SFXN1: variants seen among roughly 807,000 people sequenced by gnomAD.
SFXN1 encodes sideroflexin-1.
SFXN1 carries 32 observed loss-of-function variants against 39.5 expected under a neutral mutation model. The ratio of observed to expected loss-of-function variants is 0.81; its 90% confidence interval spans 0.61 to 1.09. The LOEUF (loss-of-function observed/expected upper bound fraction) is 1.09, where lower values mean the gene tolerates loss of function less well. SFXN1 is among the 50% of genes least tolerant of loss of function. SFXN1 has a pLI of 0.00. For synonymous variants in SFXN1, 136 were observed against 146.5 expected (o/e 0.93, Z 0.52); for missense variants, 402 against 407.1 (o/e 0.99, Z 0.11).
At chr5:175,480,754 CAAA>C (rs1759215307) in intron 1 of SFXN1, among the ~76,000 whole-genome samples, 2 of 152,244 alleles carry the variant, frequency 1.3e-5, no homozygotes, top group Admixed American at 1.3e-4. Context: ...GACCCGTCAT[CAAA>C]CGTTGTTGTT....
In SFXN1 at chr5:175,509,217, T is replaced by C. The variant is rs1246448309; in HGVS notation, c.335+15T>C. On this transcript the variant is annotated intron_variant, in intron 3 of 10. Transcript: ENST00000321442. ...ACGTTTTACAGGTATGTTATGAATA[T>C]GTAGCAACAGTGTGTTTACCATTAC... The C allele has an allele frequency of 2.5e-6, 4 of 1,600,210 alleles. No individual in the cohort carries two copies. The highest frequency in any genetic ancestry group is 2.7e-5 in the African/African-American group (2 of 74,372).
chr5:175,524,162 ATATATAT>A (rs1760987817), intron 10 of SFXN1: 1 of 119,794 alleles, frequency 8.3e-6, no homozygotes. Context: ...ATATATATAT[ATATATAT>A]ATCTCCAATA....
chr5:175,524,115 AAAAAAAAAAAAT>A (rs1760965323), intron 10 of SFXN1: 1 of 63,622 alleles, frequency 1.6e-5, no homozygotes, highest in African/African-American at 7.1e-5. Context: ...AAAAAAAAAA[AAAAAAAAAAAAT>A]ATATATATAT....
At chr5:175,521,805 C>G in intron 8 of SFXN1, 114 bp from the exon 9 acceptor site, 2 of 815,952 alleles carry the variant, frequency 2.5e-6, no homozygotes, top group Non-Finnish European at 3.9e-6. Flanking sequence ...TTTCACTAAC[C>G]ATGTTCTATC....
chr5:175,517,943 G>C (rs983674171), intron 8 of SFXN1, among the ~76,000 whole-genome samples: 1 of 152,050 alleles, frequency 6.6e-6, no homozygotes, highest in African/African-American at 2.4e-5. Context: ...GAAATGACCA[G>C]ACTCCTCCGC....
intron 1 of SFXN1, among the ~76,000 whole-genome samples, chr5:175,483,128 T>C (rs1293432331): frequency 3.3e-5 from 5 of 152,260 alleles, no homozygotes; most frequent in Non-Finnish European, 7.3e-5. Context: ...AAACAGTTTT[T>C]AATTTCTCTA....
At chr5:175,524,118 AAAAAAAAATATATAT>A (rs1427899868) in intron 10 of SFXN1, 2 of 66,590 alleles carry the variant, frequency 3.0e-5, no homozygotes, top group East Asian at 3.5e-4. Flanking sequence ...AAAAAAAAAA[AAAAAAAAATATATAT>A]ATATATATAT....
intron 2 of SFXN1, among the ~76,000 whole-genome samples, chr5:175,499,904 C>T (rs1299675677): frequency 6.6e-6 from 1 of 152,122 alleles, no homozygotes; most frequent in East Asian, 1.9e-4. Context: ...AAAGAATTTA[C>T]CAGGCCAGGC....
rs762116641 is a variant in SFXN1, at chr5:175,522,404, C to T, written c.854C>T (p.Ala285Val). ...CLVFATPLCC[A>V]LFPQKSSMSV... ...GTGTTTGCTACACCCCTGTGTTGTG[C>T]CCTGTTTCCTCAGAAAAGGTATGTA... Residue 285 changes from alanine to valine, a missense_variant, in exon 10 of 11, where the codon GCC becomes GTC. Transcript: ENST00000321442. 1 of 1,611,390 alleles carries T rather than the reference C, an allele frequency of 6.2e-7. No homozygotes were observed. Among genetic ancestry groups the T allele is most frequent in the Non-Finnish European group, 8.5e-7 (1 of 1,179,468 alleles).
intron 2 of SFXN1, among the ~76,000 whole-genome samples, chr5:175,496,980 C>A (rs1212330485): frequency 6.6e-6 from 1 of 152,086 alleles, no homozygotes; most frequent in Non-Finnish European, 1.5e-5. Context: ...CCTCTGCCTC[C>A]CGGGTTCAAG....
intron 2 of SFXN1, among the ~76,000 whole-genome samples, chr5:175,507,550 A>T (rs1380749598): frequency 2.0e-5 from 3 of 152,248 alleles, no homozygotes; most frequent in Non-Finnish European, 2.9e-5. Context: ...GGAGATGAGT[A>T]GGTAAAGACT....
intron 8 of SFXN1, 59 bp from the exon 9 acceptor site, chr5:175,521,860 G>A (rs1760889082): frequency 3.0e-6 from 4 of 1,324,686 alleles, no homozygotes; most frequent in Non-Finnish European, 4.2e-6. Context: ...TTAATCAGAA[G>A]ATATTGCCTC....
intron 6 of SFXN1, 144 bp from the exon 7 acceptor site, chr5:175,513,319 A>AAAACAG (rs1760593304): frequency 1.3e-6 from 1 of 744,874 alleles, no homozygotes; most frequent in Non-Finnish European, 1.9e-6. Flanking sequence ...AAAAAAAAAA[A>AAAACAG]AAAAACAGAT....
chr5:175,499,014 G>A (rs1481185878), intron 2 of SFXN1, among the ~76,000 whole-genome samples: 1 of 152,190 alleles, frequency 6.6e-6, no homozygotes, highest in Non-Finnish European at 1.5e-5. Flanking sequence ...CAGCACTTTG[G>A]GAGGCTGAGG....
intron 6 of SFXN1, 107 bp downstream of exon 6, chr5:175,512,303 T>C: frequency 1.1e-6 from 1 of 910,414 alleles, no homozygotes. Flanking sequence ...TATGTATAGG[T>C]GAAATTATAT....
intron 1 of SFXN1, among the ~76,000 whole-genome samples, chr5:175,485,036 G>A (rs751967404): frequency 2.0e-5 from 3 of 152,150 alleles, no homozygotes; most frequent in Admixed American, 6.5e-5. Context: ...ATGGCATCAC[G>A]GTTAATAATT....
intron 1 of SFXN1, among the ~76,000 whole-genome samples, chr5:175,484,585 G>A (rs1029286910): frequency 6.6e-6 from 1 of 152,240 alleles, no homozygotes; most frequent in Non-Finnish European, 1.5e-5. Flanking sequence ...CCCACATAGC[G>A]GCCAAGGCCT....
At chr5:175,483,154 C>G (rs1339325276) in intron 1 of SFXN1, among the ~76,000 whole-genome samples, 1 of 152,170 alleles carries the variant, frequency 6.6e-6, no homozygotes, top group African/African-American at 2.4e-5. Context: ...TTATTTCCGT[C>G]TCTTTTTAGG....
intron 2 of SFXN1, 53 bp from the exon 3 acceptor site, chr5:175,508,979 A>G: frequency 6.5e-7 from 1 of 1,533,278 alleles, no homozygotes; most frequent in Non-Finnish European, 8.9e-7. Flanking sequence ...TCTCTAGGAC[A>G]CTGGGGAGAT....
Sources: gnomAD v4.1 joint callset for allele counts (sites outside exome capture counted in the v4.1 genomes callset) on GRCh38, gnomAD v4.1.1 for gene constraint, MANE v1.5 for transcripts, NCBI Gene and HGNC (gene_info 2026-07-23, HGNC 2026-07-21) for gene names.